The following ADRA1A variants were observed in gnomAD, a reference collection of about 807,000 sequenced individuals.
ADRA1A encodes adrenoceptor alpha 1A.
In ADRA1A, 31 loss-of-function variants were observed where a neutral mutation model predicts 29.6. The observed-to-expected ratio is 1.05, with a 90% confidence interval of 0.79 to 1.41. The LOEUF is 1.41. Among genes scored for constraint, ADRA1A ranks in the 40% most tolerant of loss-of-function variants. The pLI is 0.00. For missense variants in ADRA1A, 619 were observed against 601.1 expected, an observed-to-expected ratio of 1.03 and a Z score of -0.31; for synonymous variants, 311 against 254.3, an observed-to-expected ratio of 1.22 and a Z score of -2.12.
downstream of ADRA1A, chr8:26,768,714 T>G (rs1805927806): frequency 5.3e-6 from 1 of 188,740 alleles, no homozygotes; most frequent in South Asian, 1.8e-4. Flanking sequence ...CAGAGATATT[T>G]GATTATGTAT....
At chr8:26,778,637 C>T (rs1390216133) in intron 2 of ADRA1A, among the ~76,000 whole-genome samples, 1 of 152,066 alleles carries the variant, frequency 6.6e-6, no homozygotes, top group Non-Finnish European at 1.5e-5. Context: ...AGTTCATGTC[C>T]TTTGTAGGGA....
chr8:26,843,669 G>A (rs1811996533), intron 2 of ADRA1A, among the ~76,000 whole-genome samples: 1 of 152,164 alleles, frequency 6.6e-6, no homozygotes, highest in African/African-American at 2.4e-5. Flanking sequence ...AATGAATAAT[G>A]AGTAATGGGC....
rs551135279 is a variant in ADRA1A, at chr8:26,848,405, G to A, written c.883+15682C>T. ...TGTCACGAGGGTGAACCCTCATAAT[G>A]AGATTCATGCCCTTATACAAAGAGG... On this transcript the variant is annotated intron_variant, in intron 2 of 2. Transcript: ENST00000380573. The surrounding 1 kb of genome is among the most constrained non-coding windows in gnomAD (Gnocchi z 4.3). 1.3e-5 allele frequency among the ~76,000 whole-genome samples: 2 copies of A among 152,314 alleles called. No homozygotes were observed. The highest frequency in any genetic ancestry group is 1.9e-4 in the East Asian group (1 of 5,180).
At position 26,848,385 on chromosome 8, in the gene ADRA1A, C is replaced by T. The variant is rs1045383760; in HGVS notation, c.883+15702G>A. ...AGGTGATTAGGACTAGATGATGTCACGAGGGTGAACCCTCATAATGAGATT... is the reference window on the plus strand; with the variant it reads ...AGGTGATTAGGACTAGATGATGTCATGAGGGTGAACCCTCATAATGAGATT... On this transcript the variant is annotated intron_variant, in intron 2 of 2. Coordinates refer to ENST00000380573, the MANE Select transcript of ADRA1A (RefSeq NM_000680.4). The surrounding 1 kb of genome is among the most constrained non-coding windows in gnomAD (Gnocchi z 4.3). Among the ~76,000 whole-genome samples the T allele has an allele frequency of 2.6e-5, 4 of 152,160 alleles. No individual in the cohort carries two copies. The highest frequency in any genetic ancestry group is 4.4e-5 in the Non-Finnish European group (3 of 68,036).
chr8:26,829,600 G>A (rs1199947149), intron 2 of ADRA1A, among the ~76,000 whole-genome samples: 4 of 152,258 alleles, frequency 2.6e-5, no homozygotes, highest in African/African-American at 9.6e-5. Flanking sequence ...TGAATAGTCG[G>A]TAATATGATA....
intron 2 of ADRA1A, among the ~76,000 whole-genome samples, chr8:26,782,923 C>T (rs1807099149): frequency 6.6e-6 from 1 of 151,240 alleles, no homozygotes; most frequent in Non-Finnish European, 1.5e-5. Context: ...CCACTGTCAT[C>T]CTCAACCGTC....
At position 26,848,667 on chromosome 8, in the gene ADRA1A, G is replaced by T. The variant is rs1246217918; in HGVS notation, c.883+15420C>A. On this transcript the variant is annotated intron_variant, in intron 2 of 2. Coordinates refer to ENST00000380573, the MANE Select transcript of ADRA1A (RefSeq NM_000680.4). This position sits in a 1 kb window ranked among gnomAD's most constrained non-coding sequence, Gnocchi z 4.3. ...GCCTGAGCTGACAAGTCTACCGCTT[G>T]ACATCACACACATCCTCAGGTGTGT... Among the ~76,000 whole-genome samples the T allele has an allele frequency of 6.6e-6, 1 of 152,134 alleles. No homozygotes were observed. The highest frequency in any genetic ancestry group is 2.4e-5 in the African/African-American group (1 of 41,432).
intron 2 of ADRA1A, among the ~76,000 whole-genome samples, chr8:26,829,247 G>C (rs745318837): frequency 4.6e-5 from 7 of 152,076 alleles, no homozygotes; most frequent in Admixed American, 6.6e-5. Context: ...CATATAAAGA[G>C]AGAGAGAAAT....
At chr8:26,753,572 C>A (rs1274335330), downstream of ADRA1A, among the ~76,000 whole-genome samples, 1 of 152,078 alleles carries the variant, frequency 6.6e-6, no homozygotes, top group Non-Finnish European at 1.5e-5. Flanking sequence ...TTACTTATTT[C>A]CTACATTTTC....
intron 2 of ADRA1A, among the ~76,000 whole-genome samples, chr8:26,786,153 C>T (rs907857619): frequency 3.3e-5 from 5 of 152,180 alleles, no homozygotes; most frequent in Non-Finnish European, 5.9e-5. Context: ...ATGATCTGCT[C>T]TTGCCTTCCG....
rs558884071 is a variant in ADRA1A, at chr8:26,830,600, A to G, written c.883+33487T>C. Among the ~76,000 whole-genome samples the G allele has an allele frequency of 5.3e-5, 8 of 152,340 alleles. No individual in the cohort carries two copies. In the South Asian group the frequency reaches 1.7e-3, roughly 32 times the overall value. ...TTGGCTAGAGAGACAGCATAGTTGA[A>G]CCTTCTCATCAGTTGTGGCTGTAAC... On this transcript the variant is annotated intron_variant, in intron 2 of 2. Coordinates refer to ENST00000380573, the MANE Select transcript of ADRA1A (RefSeq NM_000680.4).
chr8:26,792,693 T>A (rs1030407963), intron 2 of ADRA1A, among the ~76,000 whole-genome samples: 11 of 147,528 alleles, frequency 7.5e-5, no homozygotes, highest in Non-Finnish European at 1.0e-4. Context: ...TAGACAGGAA[T>A]ATATAGATCA....
chr8:26,813,684 A>G (rs974690969), intron 2 of ADRA1A, among the ~76,000 whole-genome samples: 3 of 152,172 alleles, frequency 2.0e-5, no homozygotes, highest in Non-Finnish European at 2.9e-5. Context: ...ACAAGGTAAC[A>G]AAGTTGCCTA....
chr8:26,864,146 C>T lies in ADRA1A; in HGVS notation c.824G>A (p.Gly275Asp). ...GAGGACGAAGCAGCCGACCACGATG[C>T]CCAGCGTTTTGGCCGCTTTCTTCTC... ...SREKKAAKTLGIVVGCFVLCW... is the reference protein window; with the variant it reads ...SREKKAAKTLDIVVGCFVLCW... Residue 275 changes from glycine to aspartate, a missense_variant, in exon 2 of 3, where the codon GGC (glycine) becomes GAC (aspartate). Gly to Asp is a moderately conservative substitution (Grantham distance 94). Coordinates refer to ENST00000380573, the MANE Select transcript of ADRA1A (RefSeq NM_000680.4). This position sits in a 1 kb window ranked among gnomAD's most constrained non-coding sequence, Gnocchi z 8.1. The T allele has an allele frequency of 1.9e-6, 3 of 1,614,148 alleles. No individual in the cohort carries two copies. Among genetic ancestry groups the T allele is most frequent in the Admixed American group, 1.7e-5 (1 of 60,034 alleles).
In ADRA1A at chr8:26,825,132, A is replaced by G. The variant is rs1174465999; in HGVS notation, c.883+38955T>C. The stretch of plus-strand genomic sequence containing the variant: ...AAAACAATGCCTGCATGCTCCAGAG[A>G]GACCCCCAGCCCCCACATGTCCCAC... On this transcript the variant is annotated intron_variant, in intron 2 of 2. Transcript: ENST00000380573. The surrounding 1 kb of genome is among the most constrained non-coding windows in gnomAD (Gnocchi z 5.7). 6.6e-6 allele frequency among the ~76,000 whole-genome samples: 1 copy of G among 152,166 alleles called. No individual in the cohort carries two copies. The highest frequency in any genetic ancestry group is 1.5e-5 in the Non-Finnish European group (1 of 68,042).
chr8:26,761,485 C>A (rs1805499420), downstream of ADRA1A, among the ~76,000 whole-genome samples: 1 of 152,052 alleles, frequency 6.6e-6, no homozygotes, highest in Non-Finnish European at 1.5e-5. Flanking sequence ...AGGGTGGACC[C>A]AAATCCAATA....
chr8:26,798,746 A>G (rs867728420), intron 2 of ADRA1A, among the ~76,000 whole-genome samples: 20 of 152,288 alleles, frequency 1.3e-4, no homozygotes, highest in African/African-American at 4.8e-4. Context: ...ACCATTATTA[A>G]ATACCCAAAT....
At position 26,867,012 on chromosome 8, in the gene ADRA1A, T is replaced by C; in HGVS notation, c.-763A>G. On this transcript the variant is annotated 5_prime_UTR_variant, in exon 1 of 3. Coordinates refer to ENST00000380573, the MANE Select transcript of ADRA1A (RefSeq NM_000680.4). ...GCTTCGGTCCCGGGAGCTGCCTGCC[T>C]GCTCTTCTCTGGAGGCGGAGAGGGG... 1 of 985,366 alleles carries C rather than the reference T, an allele frequency of 1.0e-6. No homozygotes were observed. The highest frequency in any genetic ancestry group is 1.2e-6 in the Non-Finnish European group (1 of 829,976). The allele number at this position is 985,366 out of a possible 1,614,324, so 61.0% of individuals were successfully genotyped here.
At chr8:26,856,594 G>A (rs993583263) in intron 2 of ADRA1A, among the ~76,000 whole-genome samples, 8 of 152,026 alleles carry the variant, frequency 5.3e-5, no homozygotes, top group Admixed American at 1.3e-4. Flanking sequence ...GTCTTCGCAC[G>A]TTCTCTTCCC....
Sources: gnomAD v4.1 joint callset for allele counts (sites outside exome capture counted in the v4.1 genomes callset) on GRCh38, gnomAD v4.1.1 for gene constraint, Gnocchi (gnomAD v3.1) non-coding constraint, MANE v1.5 for transcripts, NCBI Gene and HGNC (gene_info 2026-07-23, HGNC 2026-07-21) for gene names.